Variants in RRM1 observed in about 807,000 individuals in gnomAD.
RRM1 encodes ribonucleotide reductase catalytic subunit M1, also known as ribonucleoside-diphosphate reductase large subunit.
RRM1 carries 19 observed loss-of-function variants against 101.5 expected under a neutral mutation model. The observed-to-expected ratio is 0.19, with a 90% confidence interval of 0.13 to 0.27. The LOEUF (loss-of-function observed/expected upper bound fraction) is 0.27, where lower values mean the gene tolerates loss of function less well. RRM1 is among the 10% of genes least tolerant of loss of function. RRM1 has a pLI of 1.00. For missense variants in RRM1, 500 were observed against 962.9 expected (o/e 0.52, Z 6.36); for synonymous variants, 298 against 323.4 (o/e 0.92, Z 0.84).
At chr11:4,105,745 C>G in intron 2 of RRM1, 2 of 387,236 alleles carry the variant, frequency 5.2e-6, no homozygotes, top group Non-Finnish European at 9.7e-6. Flanking sequence ...AGATTGGGGG[C>G]GGGGCAGGGT....
chr11:4,120,605 A>C (rs1014035046), intron 9 of RRM1, among the ~76,000 whole-genome samples: 12 of 152,176 alleles, frequency 7.9e-5, no homozygotes, highest in African/African-American at 2.7e-4. Flanking sequence ...GGCTCAAGCA[A>C]TCTACCTGCC....
chr11:4,130,088 T>TATATATATATATATATATATATATATATA (rs1235882420), intron 15 of RRM1, among the ~76,000 whole-genome samples: 11 of 48,168 alleles, frequency 2.3e-4, no homozygotes, highest in African/African-American at 7.2e-4. Context: ...ATATATATAT[T>TATATATATATATATATATATATATATATA]TTTTTTTTTT....
intron 5 of RRM1, among the ~76,000 whole-genome samples, chr11:4,110,092 G>C (rs2094563325): frequency 6.6e-6 from 1 of 152,036 alleles, no homozygotes; most frequent in African/African-American, 2.4e-5. Flanking sequence ...TAATCTCTCT[G>C]TGCTTGTTTC....
chr11:4,122,025 C>A, intron 10 of RRM1, 116 bp from the exon 11 acceptor site: 1 of 830,256 alleles, frequency 1.2e-6, no homozygotes, highest in Non-Finnish European at 1.9e-6. Context: ...ATGATTATTT[C>A]TACAGCAAAT....
chr11:4,111,705 C>G, intron 6 of RRM1, 65 bp downstream of exon 6: 1 of 1,396,298 alleles, frequency 7.2e-7, no homozygotes, highest in Non-Finnish European at 1.0e-6. Flanking sequence ...TAGCTTTGAG[C>G]TATAAGTCTT....
At chr11:4,122,684 C>T (rs2094583529) in intron 11 of RRM1, among the ~76,000 whole-genome samples, 1 of 152,140 alleles carries the variant, frequency 6.6e-6, no homozygotes, top group East Asian at 1.9e-4. Context: ...ACCAGCCTGG[C>T]CAACATGGTG....
intron 15 of RRM1, among the ~76,000 whole-genome samples, chr11:4,130,086 A>ATATATATATATTTTTTTT (rs1202870487): frequency 1.9e-4 from 19 of 99,444 alleles, no homozygotes; most frequent in African/African-American, 9.7e-4. Flanking sequence ...ATATATATAT[A>ATATATATATATTTTTTTT]TTTTTTTTTT....
At chr11:4,134,810 T>A (rs4910599) in intron 17 of RRM1, among the ~76,000 whole-genome samples, 55,581 of 151,952 alleles carry the variant, frequency 0.37, 10,250 homozygotes, top group South Asian at 0.46. Flanking sequence ...CATAAATCAA[T>A]TAAAAAATTA....
intron 3 of RRM1, among the ~76,000 whole-genome samples, chr11:4,106,631 C>A (rs1259525931): frequency 1.3e-5 from 2 of 152,028 alleles, no homozygotes; most frequent in Non-Finnish European, 2.9e-5. Flanking sequence ...GCCTGTAATC[C>A]CAGCTACTGG....
intron 1 of RRM1, among the ~76,000 whole-genome samples, chr11:4,098,551 A>C (rs1206532023): frequency 6.6e-6 from 1 of 152,140 alleles, no homozygotes; most frequent in Non-Finnish European, 1.5e-5. Flanking sequence ...AAGATCCTAC[A>C]ATCAATTGAG....
At chr11:4,109,540 C>A in intron 4 of RRM1, 104 bp from the exon 5 acceptor site, 1 of 744,486 alleles carries the variant, frequency 1.3e-6, no homozygotes, top group Non-Finnish European at 2.2e-6. Flanking sequence ...CTCATTGTAT[C>A]CTGTGTTGAT....
chr11:4,111,182 G>GT (rs571234749), intron 5 of RRM1, among the ~76,000 whole-genome samples: 60 of 151,740 alleles, frequency 4.0e-4, no homozygotes, highest in African/African-American at 1.3e-3. Flanking sequence ...GTTTTAAAAA[G>GT]TTTTTTTTAA....
At chr11:4,109,263 A>AT (rs1330930419) in intron 4 of RRM1, among the ~76,000 whole-genome samples, 2 of 151,728 alleles carry the variant, frequency 1.3e-5, no homozygotes, top group African/African-American at 4.8e-5. Context: ...TTTTGGATTA[A>AT]TAGCCAATCT....
chr11:4,116,826 G>C (rs1173147880), intron 7 of RRM1, among the ~76,000 whole-genome samples: 1 of 152,030 alleles, frequency 6.6e-6, no homozygotes, highest in Non-Finnish European at 1.5e-5. Flanking sequence ...AATTAGCCAG[G>C]CGTGGTGGTG....
In RRM1 at chr11:4,128,494, C is replaced by T. The variant is rs756434950; in HGVS notation, c.1693-580C>T. Among the ~76,000 whole-genome samples, 24 of 152,258 alleles carry T rather than the reference C, an allele frequency of 1.6e-4. 1 individual carries two copies. The highest frequency in any genetic ancestry group is 2.5e-4 in the Non-Finnish European group (17 of 68,020). On this transcript the variant is annotated intron_variant, in intron 14 of 18. Coordinates refer to ENST00000300738, the MANE Select transcript of RRM1 (RefSeq NM_001033.5). ...AGAAACCTTTCACCTTTGCCATAAT[C>T]GCTGGAGTGACATGCATCCTATTCT...
Position 4,106,134 on chromosome 11 carries a change from C to T in RRM1, c.197C>T (p.Thr66Ile). ...ACTTTGGCTGCTGAAACAGCTGCAA[C>T]CTTGACTACTAAGCACCCTGACTAT... ...LDTLAAETAA[T>I]LTTKHPDYAI... Residue 66 changes from threonine to isoleucine, a missense_variant, in exon 3 of 19, where the codon ACC (threonine) becomes ATC (isoleucine). By Grantham distance (89) the Thr-to-Ile change is moderately conservative. Transcript: ENST00000300738. 1 of 1,613,964 alleles carries T rather than the reference C, an allele frequency of 6.2e-7. No individual in the cohort carries two copies. The highest frequency in any genetic ancestry group is 8.5e-7 in the Non-Finnish European group (1 of 1,179,864).
chr11:4,110,584 G>A (rs573152104), intron 5 of RRM1, among the ~76,000 whole-genome samples: 5 of 151,508 alleles, frequency 3.3e-5, no homozygotes, highest in South Asian at 2.1e-4. Context: ...CCTGGGCCAC[G>A]TGGCGAAATG....
chr11:4,122,089 A>C, intron 10 of RRM1, 52 bp from the exon 11 acceptor site: 2 of 1,341,492 alleles, frequency 1.5e-6, no homozygotes, highest in Non-Finnish European at 2.1e-6. Flanking sequence ...CTAATGGATT[A>C]TGGTTGGCTA....
chr11:4,094,901 T>A lies in RRM1; in HGVS notation c.-112T>A. 5 of 1,157,406 alleles carry A rather than the reference T, an allele frequency of 4.3e-6. No individual in the cohort carries two copies. Among genetic ancestry groups the A allele is most frequent in the Non-Finnish European group, 5.1e-6 (4 of 788,776 alleles). The allele number at this position is 1,157,406 out of a possible 1,614,324, so 71.7% of individuals were successfully genotyped here. ...TGGCTCCAACTCCAGTTCTTTCCCC[T>A]GAGCAGCGCCTGGAACCTAACCCTT... On this transcript the variant is annotated 5_prime_UTR_variant, in exon 1 of 19. Coordinates refer to ENST00000300738, the MANE Select transcript of RRM1 (RefSeq NM_001033.5).
Sources: allele counts gnomAD v4.1 joint callset (sites outside exome capture counted in the v4.1 genomes callset), GRCh38; gene constraint gnomAD v4.1.1; transcripts MANE v1.5; gene names NCBI Gene and HGNC (gene_info 2026-07-23, HGNC 2026-07-21).